Variants in ZNF385A observed in about 807,000 individuals in gnomAD.
ZNF385A encodes hematopoietic zinc finger protein.
In ZNF385A, 14 loss-of-function variants were observed where a neutral mutation model predicts 32.1. That is an observed-to-expected ratio of 0.44 (90% CI 0.29 to 0.68). ZNF385A has a LOEUF of 0.68. Ranked by LOEUF, ZNF385A falls within the 30% of genes least tolerant of loss-of-function variation. ZNF385A has a pLI of 0.14. For missense variants in ZNF385A, 406 were observed against 478.4 expected (o/e 0.85, Z 1.41); for synonymous variants, 197 against 202.7 (o/e 0.97, Z 0.24).
In ZNF385A at chr12:54,384,612, G is replaced by A; in HGVS notation, c.-98C>T. The A allele has an allele frequency of 7.0e-7, 1 of 1,420,290 alleles. No individual in the cohort carries two copies. The highest frequency in any genetic ancestry group is 1.5e-5 in the African/African-American group (1 of 67,722). The allele number at this position is 1,420,290 out of a possible 1,614,324, so 88.0% of individuals were successfully genotyped here. ...TGTGGGGTAGGAAGATTAAAGCTTGGGAACCCCACCCAAGCCTGCCAGTCC... is the reference window on the plus strand; with the variant it reads ...TGTGGGGTAGGAAGATTAAAGCTTGAGAACCCCACCCAAGCCTGCCAGTCC... On this transcript the variant is annotated 5_prime_UTR_variant, in exon 1 of 7. Coordinates refer to ENST00000394313, the MANE Select transcript of ZNF385A (RefSeq NM_015481.3).
Position 54,370,686 on chromosome 12 carries a change from G to C in ZNF385A, c.810C>G (p.Ala270=), listed in dbSNP as rs1340363891. Residue 270 remains alanine, a synonymous_variant, in exon 6 of 7, where the codon GCC becomes GCG. Coordinates refer to ENST00000394313, the MANE Select transcript of ZNF385A (RefSeq NM_015481.3). This position sits in a 1 kb window ranked among gnomAD's most constrained non-coding sequence, Gnocchi z 5.5. ...GGCTCAGTAGTGGGTTGGGCTTCCC[G>C]GCCACGCCGTCTCGGTGCCGCCGGC... ...ISSRRHRDGV[A]GKPNPLLSRH... is the part of the protein sequence containing the mutation. 6.2e-7 allele frequency: 1 copy of C among 1,602,098 alleles called. No homozygotes were observed. Among genetic ancestry groups the C allele is most frequent in the Admixed American group, 1.7e-5 (1 of 58,780 alleles).
In ZNF385A at chr12:54,375,935, G is replaced by A; in HGVS notation, c.107C>T (p.Ala36Val). ...NYSTMDPVQK[A>V]VLSHTFGGPL... ...TCCCCCAAAAGTGTGGGAGAGCACA[G>A]CCTTCTGCACAGGGTCCATCTGTGG... Residue 36 changes from alanine (A) to valine (V), a missense_variant, in exon 2 of 7, where the codon GCT becomes GTT. By Grantham distance (64) the Ala-to-Val change is moderately conservative. Coordinates refer to ENST00000394313, the MANE Select transcript of ZNF385A (RefSeq NM_015481.3). The A allele has an allele frequency of 6.2e-7, 1 of 1,614,138 alleles. No homozygotes were observed. The highest frequency in any genetic ancestry group is 8.5e-7 in the Non-Finnish European group (1 of 1,180,002).
chr12:54,386,193 C>T (rs1955472246), upstream of ZNF385A, among the ~76,000 whole-genome samples: 1 of 148,602 alleles, frequency 6.7e-6, no homozygotes, highest in South Asian at 2.2e-4. Context: ...CACACACACA[C>T]ACACACACAC....
intron 1 of ZNF385A, among the ~76,000 whole-genome samples, 191 bp from the exon 2 acceptor site, chr12:54,376,145 G>A (rs569976098): frequency 2.0e-5 from 3 of 152,144 alleles, no homozygotes; most frequent in Admixed American, 6.5e-5. Context: ...GGACCTGATC[G>A]ATAACTGGCC....
chr12:54,389,438 G>T (rs990023865), upstream of ZNF385A, among the ~76,000 whole-genome samples: 1 of 152,200 alleles, frequency 6.6e-6, no homozygotes, highest in Non-Finnish European at 1.5e-5. Flanking sequence ...CAGACTTCCC[G>T]CACTCTGTGG....
chr12:54,391,182 C>A (rs1658778873), intron 1 of ZNF385A: 2 of 1,468,886 alleles, frequency 1.4e-6, no homozygotes, highest in African/African-American at 2.9e-5. Context: ...CGGTGGGTGA[C>A]CCACAGAGAG....
chr12:54,371,887 G>A (rs961997103), intron 3 of ZNF385A, among the ~76,000 whole-genome samples, 172 bp from the exon 4 acceptor site: 39 of 152,208 alleles, frequency 2.6e-4, no homozygotes, highest in Non-Finnish European at 2.4e-4. Context: ...TCCAGCTGCC[G>A]CAGGCTGGGT....
chr12:54,371,090 T>C lies in ZNF385A; in HGVS notation c.611A>G (p.Lys204Arg). The C allele has an allele frequency of 6.2e-7, 1 of 1,603,356 alleles. No homozygotes were observed. Residue 204 changes from lysine (K) to arginine (R), a missense_variant, in exon 5 of 7, where the codon AAG becomes AGG. Coordinates refer to ENST00000394313, the MANE Select transcript of ZNF385A (RefSeq NM_015481.3). ...SQLEAHNKGT[K>R]HKTILEARSG... Reference sequence around the variant, plus strand: ...TCGGGCCTCCAGAATTGTCTTGTGCTTAGTACCTGGAGCCCAGAGAGGGCA... The same window carrying C: ...TCGGGCCTCCAGAATTGTCTTGTGCCTAGTACCTGGAGCCCAGAGAGGGCA...
chr12:54,380,974 G>C (rs1955132951), intron 1 of ZNF385A, among the ~76,000 whole-genome samples: 1 of 151,978 alleles, frequency 6.6e-6, no homozygotes, highest in South Asian at 2.1e-4. Flanking sequence ...GAGTCGGGCG[G>C]ATCACAAGGT....
chr12:54,370,805 C>T lies in ZNF385A; in HGVS notation c.775-84G>A. On this transcript the variant is annotated intron_variant, in intron 5 of 6. Coordinates refer to ENST00000394313, the MANE Select transcript of ZNF385A (RefSeq NM_015481.3). This position sits in a 1 kb window ranked among gnomAD's most constrained non-coding sequence, Gnocchi z 5.5. The stretch of plus-strand genomic sequence containing the variant: ...GTATAATCAAGCTCCAAGCACCGGC[C>T]CCCTCCCATCTGGCCCCCTGGGGAA... 6.3e-7 allele frequency: 1 copy of T among 1,593,976 alleles called. No individual in the cohort carries two copies. The highest frequency in any genetic ancestry group is 8.5e-7 in the Non-Finnish European group (1 of 1,170,704).
At chr12:54,379,419 T>C (rs968746348) in intron 1 of ZNF385A, among the ~76,000 whole-genome samples, 4 of 152,020 alleles carry the variant, frequency 2.6e-5, no homozygotes, top group African/African-American at 9.7e-5. Context: ...GGCAGGGGCA[T>C]TGACCAGATG....
At chr12:54,391,245 G>A in exon 1 of ZNF385A, 1 of 1,419,724 alleles carries the variant, frequency 7.0e-7, no homozygotes, top group Non-Finnish European at 9.3e-7. Context: ...CGAGGATCAT[G>A]CTGGGGACCC....
At chr12:54,371,847 T>A in intron 3 of ZNF385A, 132 bp from the exon 4 acceptor site, 3 of 1,273,988 alleles carry the variant, frequency 2.4e-6, no homozygotes, top group Non-Finnish European at 3.3e-6. Context: ...ACATGCATGC[T>A]CTCATGCCCT....
chr12:54,381,729 TA>T (rs1035653934), intron 1 of ZNF385A, among the ~76,000 whole-genome samples: 1 of 152,222 alleles, frequency 6.6e-6, no homozygotes, highest in Non-Finnish European at 1.5e-5. Context: ...AAGACTACTT[TA>T]AAAATCTTGC....
At chr12:54,377,617 T>A (rs780566339) in intron 1 of ZNF385A, among the ~76,000 whole-genome samples, 2 of 152,164 alleles carry the variant, frequency 1.3e-5, no homozygotes, top group African/African-American at 4.8e-5. Context: ...AAATGTATGA[T>A]GTGTTTGGCA....
Position 54,374,036 on chromosome 12 carries a change from G to A in ZNF385A, c.298C>T (p.Pro100Ser), listed in dbSNP as rs747493233. The A allele has an allele frequency of 9.4e-6, 15 of 1,601,412 alleles. No individual in the cohort carries two copies. In the Admixed American group the frequency reaches 2.2e-4, roughly 23 times the overall value. The change falls in exon 3 of 7, where the codon CCT becomes TCT. Residue 100 changes from proline (P) to serine (S), a missense_variant. Transcript: ENST00000394313. ...CTGCCTGGGGGAGCTGGGTCTCCAG[G>A]TTCTCGGACGCCAGGCTCCCTGCCT... ...TRGREPGVRE[P>S]GDPAPPGSTP...
At chr12:54,381,951 C>A (rs1473699273) in intron 1 of ZNF385A, among the ~76,000 whole-genome samples, 1 of 152,174 alleles carries the variant, frequency 6.6e-6, no homozygotes, top group Non-Finnish European at 1.5e-5. Context: ...AACTTGTTAT[C>A]CTTCCTACCA....
chr12:54,388,913 G>T (rs1050747624), upstream of ZNF385A, among the ~76,000 whole-genome samples: 1 of 152,178 alleles, frequency 6.6e-6, no homozygotes, highest in South Asian at 2.1e-4. Flanking sequence ...GAAAGGCTTT[G>T]AAGTCAAAGA....
chr12:54,384,946 G>C, upstream of ZNF385A: 1 of 1,016,596 alleles, frequency 9.8e-7, no homozygotes, highest in Non-Finnish European at 1.2e-6. Context: ...TTTCCCCCAG[G>C]GGATCCTAAA....
Sources: gnomAD v4.1 joint callset for allele counts (sites outside exome capture counted in the v4.1 genomes callset) on GRCh38, gnomAD v4.1.1 for gene constraint, Gnocchi (gnomAD v3.1) non-coding constraint, MANE v1.5 for transcripts, NCBI Gene and HGNC (gene_info 2026-07-23, HGNC 2026-07-21) for gene names.